The following LY9 variants were observed in gnomAD, a reference collection of about 807,000 sequenced individuals.
The protein encoded by LY9 is lymphocyte antigen 9.
LY9 carries 59 observed loss-of-function variants against 64.6 expected under a neutral mutation model. That is an observed-to-expected ratio of 0.91 (90% CI 0.74 to 1.13). The LOEUF is 1.13. LY9 is among the 50% of genes most tolerant of loss of function. LY9 has a pLI of 0.00. For missense variants in LY9, 789 were observed against 797.2 expected (o/e 0.99, Z 0.12); for synonymous variants, 281 against 308.5 (o/e 0.91, Z 0.93).
rs1032282667 is a variant in LY9 at position 160,814,376 on chromosome 1, T to A, written c.731-44T>A. ...TTAGGATGCCTGGGGGCCAAGGGAGTAGGGACAGTGACTGAAGCTGCAATG... is the reference window on the plus strand; with the variant it reads ...TTAGGATGCCTGGGGGCCAAGGGAGAAGGGACAGTGACTGAAGCTGCAATG... On this transcript the variant is annotated intron_variant, in intron 3 of 9. Transcript: ENST00000263285. 8 of 1,460,116 alleles carry A rather than the reference T, an allele frequency of 5.5e-6. No individual in the cohort carries two copies. The African/African-American group carries it at 5.6e-5, about 10-fold the overall frequency. The allele number at this position is 1,460,116 out of a possible 1,614,324, so 90.4% of individuals were successfully genotyped here.
At chr1:160,819,890 G>A (rs1668281575) in intron 7 of LY9, among the ~76,000 whole-genome samples, 2 of 138,818 alleles carry the variant, frequency 1.4e-5, no homozygotes, top group African/African-American at 2.6e-5. Context: ...GGAATCTTGG[G>A]CATCACCCCA....
At chr1:160,805,919 C>CTTTTTTTTTTTT (rs60244350) in intron 2 of LY9, among the ~76,000 whole-genome samples, 12 of 72,428 alleles carry the variant, frequency 1.7e-4, no homozygotes, top group African/African-American at 5.0e-4. Context: ...CATTCTTTGT[C>CTTTTTTTTTTTT]TTTTTTTTTT....
intron 3 of LY9, 138 bp from the exon 4 acceptor site, chr1:160,814,282 A>G (rs1667760173): frequency 1.5e-6 from 1 of 680,410 alleles, no homozygotes; most frequent in Admixed American, 2.7e-5. Context: ...AGTAGCAGGC[A>G]TGCCCCTCAG....
rs1553192064 is a variant in LY9, at chr1:160,821,158, A to AAAAAAAAAAACAAAC, written c.1498+1794_1498+1795insCAAACAAAAAAAAAA. ...AAAAAAGTGAAACTTTGCTAAAAAA[A>AAAAAAAAAAACAAAC]AAAAAAAAAAACCATATATTCACAT... is the stretch of plus-strand genomic sequence containing the variant. On this transcript the variant is annotated intron_variant, in intron 7 of 9. Transcript: ENST00000263285. Among the ~76,000 whole-genome samples the AAAAAAAAAAACAAAC allele has an allele frequency of 6.4e-4, 96 of 150,514 alleles. 2 individuals carry two copies. Among genetic ancestry groups the AAAAAAAAAAACAAAC allele is most frequent in the Admixed American group, 5.4e-3 (81 of 15,136 alleles).
intron 7 of LY9, among the ~76,000 whole-genome samples, chr1:160,820,489 G>A (rs1330359829): frequency 3.3e-5 from 5 of 152,244 alleles, no homozygotes; most frequent in African/African-American, 1.2e-4. Context: ...GATGGAATCA[G>A]AGGCAGGACT....
At chr1:160,805,793 ACT>A (rs147879300) in intron 2 of LY9, among the ~76,000 whole-genome samples, 3 of 141,252 alleles carry the variant, frequency 2.1e-5, no homozygotes, top group South Asian at 4.5e-4. Context: ...TCTTACTCTC[ACT>A]CTCTCTCTGG....
At chr1:160,797,240 C>G in intron 1 of LY9, 1 of 985,530 alleles carries the variant, frequency 1.0e-6, no homozygotes, top group Non-Finnish European at 1.2e-6. Context: ...CTTCTGTGCT[C>G]CCGCTTTCTC....
At chr1:160,817,476 G>A (rs1422737410) in intron 5 of LY9, among the ~76,000 whole-genome samples, 1 of 152,174 alleles carries the variant, frequency 6.6e-6, no homozygotes, top group African/African-American at 2.4e-5. Context: ...AGAGTTACAG[G>A]CTTGTGGAGA....
rs1261017127 is a variant in LY9, at chr1:160,823,613, G to A, written c.1647G>A (p.Arg549=). 4 of 1,614,190 alleles carry A rather than the reference G, an allele frequency of 2.5e-6. No individual in the cohort carries two copies. Among genetic ancestry groups the A allele is most frequent in the Admixed American group, 3.3e-5 (2 of 60,030 alleles). The change falls in exon 8 of 10, where the codon AGG becomes AGA. Residue 549 remains arginine (R), a synonymous_variant. Transcript: ENST00000263285. The part of the protein sequence containing the change: ...SNLTTEEDED[R]PEVHKPISGR... ...TCACAACTGAGGAGGATGAGGACAGGCCTGAGGTGCACAAGCCCATCAGTG... is the reference window on the plus strand; with the variant it reads ...TCACAACTGAGGAGGATGAGGACAGACCTGAGGTGCACAAGCCCATCAGTG...
intron 7 of LY9, among the ~76,000 whole-genome samples, chr1:160,819,881 G>A (rs1187694853): frequency 7.3e-6 from 1 of 136,468 alleles, no homozygotes; most frequent in Non-Finnish European, 1.6e-5. Context: ...GGGAGGGAGG[G>A]AATCTTGGGC....
At chr1:160,796,391 T>C in intron 1 of LY9, 80 bp downstream of exon 1, 1 of 1,499,210 alleles carries the variant, frequency 6.7e-7, no homozygotes, top group East Asian at 2.3e-5. Flanking sequence ...GGGAGATTCT[T>C]TTTTTTGTTT....
At chr1:160,799,636 C>T (rs899119041) in intron 1 of LY9, 117 bp from the exon 2 acceptor site, 10 of 680,648 alleles carry the variant, frequency 1.5e-5, no homozygotes, top group Admixed American at 2.6e-5. Context: ...GGACAAGAAT[C>T]TCATTTCATT....
chr1:160,823,354 T>C, intron 7 of LY9, 111 bp from the exon 8 acceptor site: 1 of 712,404 alleles, frequency 1.4e-6, no homozygotes, highest in Non-Finnish European at 2.3e-6. Flanking sequence ...TCTCCTTCGG[T>C]TCTCTAGGCC....
chr1:160,813,574 C>T, intron 2 of LY9, 62 bp from the exon 3 acceptor site: 1 of 1,541,818 alleles, frequency 6.5e-7, no homozygotes, highest in Non-Finnish European at 8.8e-7. Context: ...CTCCCTTCTT[C>T]TCTCAGCGCT....
intron 2 of LY9, chr1:160,802,857 A>G (rs1666633930): frequency 1.1e-5 from 2 of 189,380 alleles, no homozygotes; most frequent in African/African-American, 2.4e-5. Flanking sequence ...TTATAACACC[A>G]TGCTGTTTTG....
At chr1:160,805,066 G>T (rs1666846770) in intron 2 of LY9, among the ~76,000 whole-genome samples, 1 of 151,872 alleles carries the variant, frequency 6.6e-6, no homozygotes, top group Non-Finnish European at 1.5e-5. Context: ...TTCTTTCATT[G>T]ATTCTTTGCA....
At chr1:160,798,782 C>T (rs1250795300) in intron 1 of LY9, 15 of 152,238 alleles carry the variant, frequency 9.9e-5, no homozygotes, top group Admixed American at 9.8e-4. Flanking sequence ...TATGCTTATG[C>T]TCCTTTTTTG....
At chr1:160,823,857 C>A in intron 8 of LY9, 61 bp downstream of exon 8, 1 of 1,349,386 alleles carries the variant, frequency 7.4e-7, no homozygotes, top group Non-Finnish European at 1.0e-6. Context: ...ATCTGAGATC[C>A]TGGATGACTA....
chr1:160,814,805 A>G (rs756520149), intron 4 of LY9, 44 bp downstream of exon 4: 5 of 1,522,898 alleles, frequency 3.3e-6, no homozygotes, highest in African/African-American at 2.7e-5. Flanking sequence ...TCCTTCTCTG[A>G]AAGCTTTCTC....
Sources: allele counts gnomAD v4.1 joint callset (sites outside exome capture counted in the v4.1 genomes callset), GRCh38; gene constraint gnomAD v4.1.1; transcripts MANE v1.5; gene names NCBI Gene and HGNC (gene_info 2026-07-23, HGNC 2026-07-21).